Variants in ZNF385C observed in about 807,000 individuals in gnomAD.
The protein encoded by ZNF385C is CTD-2132N18.2.
Under a neutral mutation model 35.4 loss-of-function variants are expected in ZNF385C, and 28 were observed. The ratio of observed to expected loss-of-function variants is 0.79; its 90% CI spans 0.59 to 1.08. The LOEUF is 1.08. ZNF385C is among the 50% of genes least tolerant of loss of function. ZNF385C has a pLI of 0.00. For missense variants in ZNF385C, 605 were observed against 595.6 expected, an observed-to-expected ratio of 1.02 and a Z score of -0.16; for synonymous variants, 248 against 248.2, an observed-to-expected ratio of 1.00 and a Z score of 0.01.
At chr17:42,082,333 C>T (rs989132398) in intron 1 of ZNF385C, among the ~76,000 whole-genome samples, 5 of 152,258 alleles carry the variant, frequency 3.3e-5, no homozygotes, top group Non-Finnish European at 7.3e-5. Context: ...CCACCACGCC[C>T]GACCTCTTCC....
intron 1 of ZNF385C, among the ~76,000 whole-genome samples, chr17:42,092,769 C>T (rs1368819593): frequency 3.9e-5 from 6 of 152,218 alleles, no homozygotes; most frequent in Non-Finnish European, 8.8e-5. Context: ...GGGAGTGTCC[C>T]ATCCCCATCC....
intron 1 of ZNF385C, among the ~76,000 whole-genome samples, chr17:42,069,444 G>T (rs1011625397): frequency 6.6e-6 from 1 of 152,192 alleles, no homozygotes; most frequent in Admixed American, 6.5e-5. Context: ...GACTGTGGAG[G>T]CCAGAAAACA....
intron 2 of ZNF385C, chr17:42,061,656 A>G (rs2053463851): frequency 6.6e-6 from 1 of 152,480 alleles, no homozygotes; most frequent in Non-Finnish European, 1.5e-5. Context: ...CCCAGTCACC[A>G]GAGCACCCTG....
At chr17:42,040,640 C>G in intron 2 of ZNF385C, 1 of 1,232,296 alleles carries the variant, frequency 8.1e-7, no homozygotes. Flanking sequence ...CAGGCCTCGG[C>G]CACTGCTTCC....
chr17:42,031,907 G>T (rs1449364248), intron 4 of ZNF385C, 123 bp from the exon 5 acceptor site: 30 of 1,028,142 alleles, frequency 2.9e-5, no homozygotes, highest in Non-Finnish European at 4.2e-5. Flanking sequence ...CAAAGGGCAA[G>T]TCCTTGTCCT....
chr17:42,073,791 C>G (rs1323087695), intron 1 of ZNF385C, among the ~76,000 whole-genome samples: 1 of 152,252 alleles, frequency 6.6e-6, no homozygotes, highest in Non-Finnish European at 1.5e-5. Flanking sequence ...AAAGCGGACA[C>G]AGAGGGCTCT....
intron 2 of ZNF385C, among the ~76,000 whole-genome samples, chr17:42,053,466 C>T (rs116275533): frequency 0.022 from 3,366 of 151,724 alleles, 133 homozygotes; most frequent in African/African-American, 0.079. Flanking sequence ...TCTTCACTCC[C>T]CTCGGACGTC....
At chr17:42,042,999 C>T (rs575370518) in intron 2 of ZNF385C, 28 of 1,232,334 alleles carry the variant, frequency 2.3e-5, no homozygotes, top group East Asian at 9.5e-5. Context: ...CCACTTTGGC[C>T]GGGTCTAACT....
Position 42,062,813 on chromosome 17 carries a change from C to T in ZNF385C, c.244G>A (p.Gly82Arg). 1 of 603,666 alleles carries T rather than the reference C, an allele frequency of 1.7e-6. No homozygotes were observed. The highest frequency in any genetic ancestry group is 3.0e-6 in the Non-Finnish European group (1 of 338,516). The allele number at this position is 603,666 out of a possible 1,614,324, so 37.4% of individuals were successfully genotyped here. ...RQLSLGKSPS[G>R]PAGPASGAPS... The stretch of plus-strand genomic sequence containing the variant: ...GCGTCCCCTCTACACTGACCTGGCC[C>T]TGAGGGGCTCTTCCCCAAGCTGAGC... Residue 82 changes from glycine (G) to arginine (R), a missense_variant, in exon 2 of 9, where the codon GGG (glycine) becomes AGG (arginine). By Grantham distance (125) the Gly-to-Arg change is moderately radical (BLOSUM62 -2). Transcript: ENST00000692273.
At chr17:42,096,527 A>G (rs2053919529) in intron 1 of ZNF385C, among the ~76,000 whole-genome samples, 1 of 152,204 alleles carries the variant, frequency 6.6e-6, no homozygotes, top group Non-Finnish European at 1.5e-5. Context: ...CTTCCCTGGC[A>G]GCCTAGAGAT....
chr17:42,034,679 G>A (rs556398826), intron 3 of ZNF385C, among the ~76,000 whole-genome samples: 3 of 151,774 alleles, frequency 2.0e-5, no homozygotes, highest in Non-Finnish European at 2.9e-5. Flanking sequence ...AGCTACTCGG[G>A]AGGCTGAGGC....
chr17:42,035,118 C>CAAAA (rs1239388932), intron 3 of ZNF385C, among the ~76,000 whole-genome samples: 17 of 81,008 alleles, frequency 2.1e-4, no homozygotes, highest in South Asian at 5.9e-4. Context: ...GACTCTGTCT[C>CAAAA]AAAAAAAAAA....
chr17:42,086,481 C>T (rs1191342542), intron 1 of ZNF385C, among the ~76,000 whole-genome samples: 3 of 152,106 alleles, frequency 2.0e-5, no homozygotes, highest in African/African-American at 7.2e-5. Flanking sequence ...GCAGGCGGAT[C>T]ACCTGAGGTC....
rs1263459967 is a variant in ZNF385C, at chr17:42,095,501, C to G, written c.-3+2909G>C. Among the ~76,000 whole-genome samples the G allele has an allele frequency of 6.6e-6, 1 of 152,184 alleles. No homozygotes were observed. ...AGGCTAGCTTCCATCCCTCCTGCTG[C>G]TGCGGCCCCATTTAGCTCTCTCCTT... On this transcript the variant is annotated intron_variant, in intron 1 of 8. Transcript: ENST00000692273. This position sits in a 1 kb window ranked among gnomAD's most constrained non-coding sequence, Gnocchi z 4.4.
chr17:42,048,994 C>G (rs564817690), intron 2 of ZNF385C, among the ~76,000 whole-genome samples: 64 of 152,172 alleles, frequency 4.2e-4, no homozygotes, highest in African/African-American at 1.3e-3. Flanking sequence ...ACCACCCACT[C>G]CTCTAAGGCC....
intron 2 of ZNF385C, among the ~76,000 whole-genome samples, chr17:42,047,389 G>C (rs898505575): frequency 6.6e-6 from 1 of 151,996 alleles, no homozygotes; most frequent in Non-Finnish European, 1.5e-5. Flanking sequence ...TGACCAGGCT[G>C]ATCTCGAACT....
chr17:42,027,240 G>GGTTTGGAACTCTAAA, intron 8 of ZNF385C, 107 bp from the exon 9 acceptor site: 1 of 1,056,912 alleles, frequency 9.5e-7, no homozygotes, highest in Non-Finnish European at 1.4e-6. Flanking sequence ...GTGCCTTTTA[G>GGTTTGGAACTCTAAA]AGTTCCAAAC....
intron 1 of ZNF385C, among the ~76,000 whole-genome samples, chr17:42,082,160 T>C (rs1042192548): frequency 9.2e-5 from 14 of 152,166 alleles, no homozygotes; most frequent in Non-Finnish European, 1.6e-4. Context: ...TGCCATCCTG[T>C]TCCATGGCGT....
intron 2 of ZNF385C, among the ~76,000 whole-genome samples, chr17:42,049,617 C>T (rs1555656927): frequency 1.3e-5 from 2 of 152,234 alleles, no homozygotes; most frequent in African/African-American, 4.8e-5. Flanking sequence ...TTGCCCAGCC[C>T]ACTATGCACA....
Sources: allele counts gnomAD v4.1 joint callset (sites outside exome capture counted in the v4.1 genomes callset), GRCh38; gene constraint gnomAD v4.1.1; non-coding constraint Gnocchi (gnomAD v3.1); transcripts MANE v1.5; gene names NCBI Gene and HGNC (gene_info 2026-07-23, HGNC 2026-07-21).